Variants in FAM53B observed in about 807,000 individuals in gnomAD.
FAM53B encodes the protein protein FAM53B.
A neutral mutation model predicts 32.7 loss-of-function variants in FAM53B; 12 were observed. The ratio of observed to expected loss-of-function variants is 0.37; its 90% CI spans 0.24 to 0.59. FAM53B has a LOEUF of 0.59. FAM53B is among the 20% of genes least tolerant of loss of function. The pLI is 0.72. For synonymous variants in FAM53B, 234 were observed against 228.7 expected (o/e 1.02, Z -0.21); for missense variants, 477 against 577.7 (o/e 0.83, Z 1.79).
chr10:124,623,331 C>T lies in FAM53B; in HGVS notation c.1180G>A (p.Ala394Thr). 6.2e-7 allele frequency: 1 copy of T among 1,612,368 alleles called. No homozygotes were observed. Among genetic ancestry groups the T allele is most frequent in the Non-Finnish European group, 8.5e-7 (1 of 1,179,738 alleles). Residue 394 changes from alanine (A) to threonine (T), a missense_variant, in exon 5 of 5, where the codon GCT becomes ACT. Physicochemically the swap from Ala to Thr is moderately conservative, Grantham distance 58. Coordinates refer to ENST00000337318, the MANE Select transcript of FAM53B (RefSeq NM_014661.4). ...GCCCCGCGGTCCCGCCAGGCTGCAGCCGGCTCCGCTCTCCTGCCACAATCC... is the reference window on the plus strand; with the variant it reads ...GCCCCGCGGTCCCGCCAGGCTGCAGTCGGCTCCGCTCTCCTGCCACAATCC... ...DEDCGRRAEPAAAWRDRGAPG... is the reference protein window; with the variant it reads ...DEDCGRRAEPTAAWRDRGAPG...
chr10:124,723,021 C>T (rs1369616451), intron 1 of FAM53B, among the ~76,000 whole-genome samples: 1 of 152,228 alleles, frequency 6.6e-6, no homozygotes, highest in African/African-American at 2.4e-5. Flanking sequence ...GACTCTCTAA[C>T]CTCATCTTTT....
chr10:124,657,653 GA>G (rs1357263409), intron 4 of FAM53B, among the ~76,000 whole-genome samples: 3 of 152,132 alleles, frequency 2.0e-5, no homozygotes, highest in Non-Finnish European at 4.4e-5. Flanking sequence ...CAATGAATGT[GA>G]AACTGACATA....
intron 4 of FAM53B, among the ~76,000 whole-genome samples, chr10:124,654,995 C>T (rs932789053): frequency 5.9e-5 from 9 of 152,186 alleles, no homozygotes; most frequent in African/African-American, 1.7e-4. Flanking sequence ...GGTCCCAAAG[C>T]GTGCCCAGGT....
chr10:124,626,400 C>CA (rs1038566805), intron 4 of FAM53B, among the ~76,000 whole-genome samples: 2 of 146,744 alleles, frequency 1.4e-5, no homozygotes, highest in East Asian at 2.0e-4. Flanking sequence ...CCCCCCCCCC[C>CA]CCACCATTCC....
chr10:124,678,933 G>A (rs534486263), intron 4 of FAM53B, among the ~76,000 whole-genome samples: 1 of 152,346 alleles, frequency 6.6e-6, no homozygotes, highest in Non-Finnish European at 1.5e-5. Flanking sequence ...GACCTCTAGG[G>A]GAGCTGCAGC....
intron 4 of FAM53B, among the ~76,000 whole-genome samples, chr10:124,680,614 T>C (rs968090095): frequency 1.3e-5 from 2 of 152,216 alleles, no homozygotes; most frequent in African/African-American, 4.8e-5. Context: ...GATCTGGCCA[T>C]AATGCTGAGT....
chr10:124,625,309 T>C (rs1949339624), intron 4 of FAM53B, among the ~76,000 whole-genome samples: 1 of 152,180 alleles, frequency 6.6e-6, no homozygotes, highest in Non-Finnish European at 1.5e-5. Context: ...TTTGATTAAC[T>C]GAGAAAGGTG....
chr10:124,711,153 A>G (rs1429594170), intron 1 of FAM53B, among the ~76,000 whole-genome samples: 1 of 152,180 alleles, frequency 6.6e-6, no homozygotes, highest in African/African-American at 2.4e-5. Flanking sequence ...AACCAACCAG[A>G]GACACACGCC....
intron 4 of FAM53B, chr10:124,671,085 G>C: frequency 2.3e-6 from 1 of 439,436 alleles, no homozygotes; most frequent in Non-Finnish European, 4.7e-6. Context: ...GCCAGGCTGG[G>C]GGACAGAGGC....
chr10:124,657,117 TGTATATATATGTGTGTATATAC>T (rs1191384474), intron 4 of FAM53B, among the ~76,000 whole-genome samples: 3 of 147,000 alleles, frequency 2.0e-5, no homozygotes, highest in African/African-American at 7.4e-5. Flanking sequence ...TATGTGTGTG[TGTATATATATGTGTGTATATAC>T]ATATATATGT....
chr10:124,647,698 G>A (rs1564866778), intron 4 of FAM53B, among the ~76,000 whole-genome samples: 1 of 152,142 alleles, frequency 6.6e-6, no homozygotes, highest in South Asian at 2.1e-4. Context: ...ATGGGGTGGG[G>A]TGGCTATGTC....
chr10:124,693,298 C>T (rs1256355156), intron 3 of FAM53B, among the ~76,000 whole-genome samples: 4 of 151,908 alleles, frequency 2.6e-5, no homozygotes, highest in Non-Finnish European at 4.4e-5. Context: ...GGTGAAACCC[C>T]GTCTCTACTA....
chr10:124,675,061 A>G (rs1424976553), intron 4 of FAM53B, among the ~76,000 whole-genome samples: 1 of 152,180 alleles, frequency 6.6e-6, no homozygotes, highest in African/African-American at 2.4e-5. Flanking sequence ...CAGTCCCCAG[A>G]TGAACTCCTC....
At chr10:124,631,032 T>C (rs1375501996) in intron 4 of FAM53B, among the ~76,000 whole-genome samples, 1 of 152,288 alleles carries the variant, frequency 6.6e-6, no homozygotes. Context: ...CAGAGCCAGG[T>C]ATGCTGTGTG....
chr10:124,647,775 G>A (rs1949528004), intron 4 of FAM53B, among the ~76,000 whole-genome samples: 1 of 152,204 alleles, frequency 6.6e-6, no homozygotes, highest in African/African-American at 2.4e-5. Context: ...CAAGATGGCT[G>A]CTTGAGATGA....
At chr10:124,624,858 C>G (rs1461132761) in intron 4 of FAM53B, among the ~76,000 whole-genome samples, 1 of 152,062 alleles carries the variant, frequency 6.6e-6, no homozygotes, top group Non-Finnish European at 1.5e-5. Flanking sequence ...AGGGGCACTC[C>G]CGGCGCAGTC....
At chr10:124,705,585 C>T (rs1030551909) in intron 2 of FAM53B, 1 of 152,312 alleles carries the variant, frequency 6.6e-6, no homozygotes, top group African/African-American at 2.4e-5. Context: ...TCCAGACACC[C>T]TCCCTCTAGA....
intron 3 of FAM53B, among the ~76,000 whole-genome samples, chr10:124,692,220 G>A (rs964496652): frequency 6.6e-6 from 1 of 152,126 alleles, no homozygotes; most frequent in African/African-American, 2.4e-5. Context: ...TGGCTGGGCA[G>A]CACTCAGCTC....
At chr10:124,652,968 C>T (rs1949565768) in intron 4 of FAM53B, among the ~76,000 whole-genome samples, 1 of 152,214 alleles carries the variant, frequency 6.6e-6, no homozygotes, top group Non-Finnish European at 1.5e-5. Flanking sequence ...CCTACCTTCC[C>T]TTGTGCACCC....
Sources: allele counts gnomAD v4.1 joint callset (sites outside exome capture counted in the v4.1 genomes callset), GRCh38; gene constraint gnomAD v4.1.1; transcripts MANE v1.5; gene names NCBI Gene and HGNC (gene_info 2026-07-23, HGNC 2026-07-21).